The following TNKS variants were observed in gnomAD, a reference collection of about 807,000 sequenced individuals.
TNKS encodes poly [ADP-ribose] polymerase tankyrase-1.
A neutral mutation model predicts 135.8 loss-of-function variants in TNKS; 72 were observed. That is an observed-to-expected ratio of 0.53 (90% CI 0.44 to 0.64). The LOEUF (loss-of-function observed/expected upper bound fraction) is 0.64, where lower values mean the gene tolerates loss of function less well. Ranked by LOEUF, TNKS falls within the 30% of genes least tolerant of loss-of-function variation. The pLI, the probability that TNKS is intolerant of heterozygous loss-of-function variation, is 0.00. For missense variants in TNKS, 1,769 were observed against 1,674.0 expected (o/e 1.06, Z -0.99); for synonymous variants, 849 against 649.3 (o/e 1.31, Z -4.68).
rs757005800 is a variant in TNKS at position 9,677,146 on chromosome 8, T to G, written c.995-2805T>G. Among the ~76,000 whole-genome samples the G allele has an allele frequency of 2.4e-4, 37 of 152,328 alleles. No homozygotes were observed. The Middle Eastern group carries it at 0.01, about 42-fold the overall frequency. On this transcript the variant is annotated intron_variant, in intron 3 of 26. Transcript: ENST00000310430. ...TTTGAAAAATCGCTTCAGCTGTTTA[T>G]GGATTGTGGTCCTTGGGCACCAGAT...
chr8:9,576,326 C>T (rs1347090508), intron 1 of TNKS, among the ~76,000 whole-genome samples: 3 of 152,052 alleles, frequency 2.0e-5, no homozygotes, highest in Non-Finnish European at 4.4e-5. Context: ...TTAATTGACT[C>T]ATAGTTCTGC....
At chr8:9,596,783 TTGCCTGTTTATGACACAGGTTTGAG>T (rs1266451936) in intron 2 of TNKS, among the ~76,000 whole-genome samples, 3 of 152,246 alleles carry the variant, frequency 2.0e-5, no homozygotes, top group African/African-American at 7.2e-5. Context: ...ATCTTTTGTT[TTGCCTGTTTATGACACAGGTTTGAG>T]TGCTGGTCTT....
chr8:9,684,711 G>T (rs1490384441), intron 5 of TNKS, among the ~76,000 whole-genome samples: 2 of 152,006 alleles, frequency 1.3e-5, no homozygotes, highest in African/African-American at 4.8e-5. Context: ...AGTATTTCAG[G>T]TTTCCCTCTG....
At chr8:9,681,477 G>A (rs1429324942) in intron 5 of TNKS, among the ~76,000 whole-genome samples, 1 of 152,002 alleles carries the variant, frequency 6.6e-6, no homozygotes, top group Non-Finnish European at 1.5e-5. Flanking sequence ...TTTGGTAATT[G>A]CAGAGTTTTG....
intron 3 of TNKS, among the ~76,000 whole-genome samples, chr8:9,628,393 C>G (rs182858464): frequency 3.3e-5 from 5 of 152,174 alleles, no homozygotes; most frequent in African/African-American, 1.2e-4. Flanking sequence ...TTTTAAGAAA[C>G]TCTGTCTTGC....
At chr8:9,762,943 A>G (rs905283502) in intron 21 of TNKS, among the ~76,000 whole-genome samples, 6 of 151,878 alleles carry the variant, frequency 4.0e-5, no homozygotes, top group African/African-American at 1.5e-4. Flanking sequence ...TCAGTCCCCA[A>G]ACATCTTCAT....
chr8:9,564,771 G>T (rs1797460701), intron 1 of TNKS, among the ~76,000 whole-genome samples: 1 of 152,220 alleles, frequency 6.6e-6, no homozygotes, highest in Admixed American at 6.5e-5. Context: ...GATACTTATA[G>T]TAAGAATTGA....
intron 1 of TNKS, among the ~76,000 whole-genome samples, chr8:9,564,959 C>T (rs556993344): frequency 4.9e-4 from 74 of 151,882 alleles, no homozygotes; most frequent in Middle Eastern, 3.4e-3. Flanking sequence ...GGGTGGGTTT[C>T]CTAGGGATTT....
chr8:9,629,895 G>A (rs1230467993), intron 3 of TNKS, among the ~76,000 whole-genome samples: 2 of 152,122 alleles, frequency 1.3e-5, no homozygotes, highest in African/African-American at 4.8e-5. Context: ...TGTTAGCCAG[G>A]ATGGTCTCGA....
intron 3 of TNKS, among the ~76,000 whole-genome samples, chr8:9,630,841 T>C (rs987383212): frequency 3.3e-5 from 5 of 152,226 alleles, no homozygotes; most frequent in African/African-American, 1.2e-4. Flanking sequence ...TTGACATTTA[T>C]TGATTGCCTT....
rs925274247 is a variant in TNKS at position 9,556,891 on chromosome 8, A to T, written c.673+279A>T. On this transcript the variant is annotated intron_variant, in intron 1 of 26. Transcript: ENST00000310430. ...AGTCTCTGCATATGGATATATTTAC[A>T]CTTTAGTTTTTGGTGTGCAGGAATA... 1.3e-5 allele frequency: 7 copies of T among 539,596 alleles called. No individual in the cohort carries two copies. The East Asian group carries it at 2.0e-4, about 16-fold the overall frequency. 33.4% of individuals were successfully genotyped at this position (539,596 alleles called of 1,614,324 possible). A position where few individuals can be genotyped will look rare whatever the true frequency, so the allele number is the denominator to read the frequency against.
intron 3 of TNKS, among the ~76,000 whole-genome samples, chr8:9,621,113 T>G (rs1259545257): frequency 6.6e-6 from 1 of 152,232 alleles, no homozygotes; most frequent in African/African-American, 2.4e-5. Flanking sequence ...TTGCATATAG[T>G]CCTATACATT....
chr8:9,665,093 C>T (rs985158608), intron 3 of TNKS, among the ~76,000 whole-genome samples: 1 of 152,220 alleles, frequency 6.6e-6, no homozygotes, highest in Non-Finnish European at 1.5e-5. Context: ...CACCTACTAT[C>T]ACTTCAAGCT....
intron 26 of TNKS, among the ~76,000 whole-genome samples, chr8:9,772,807 GTT>G (rs1491456940): frequency 0.017 from 1,882 of 107,610 alleles, 18 homozygotes; most frequent in Admixed American, 0.023. Context: ...GTGTGTGTGT[GTT>G]TGTGTGTGTG....
At chr8:9,750,859 C>G (rs973669479) in intron 18 of TNKS, among the ~76,000 whole-genome samples, 4 of 152,234 alleles carry the variant, frequency 2.6e-5, no homozygotes, top group Non-Finnish European at 5.9e-5. Flanking sequence ...TCCAAGATGG[C>G]CTTTCATCCC....
At chr8:9,607,345 G>T (rs1369132188) in intron 2 of TNKS, among the ~76,000 whole-genome samples, 7 of 151,698 alleles carry the variant, frequency 4.6e-5, no homozygotes, top group Non-Finnish European at 8.8e-5. Context: ...GCTTTTTGGG[G>T]TTGAAATATC....
At chr8:9,745,944 C>T (rs914740691) in intron 17 of TNKS, among the ~76,000 whole-genome samples, 2 of 152,118 alleles carry the variant, frequency 1.3e-5, no homozygotes, top group African/African-American at 2.4e-5. Context: ...GCAGGGAAGA[C>T]GATATCTTAA....
At chr8:9,616,614 C>T (rs1425331706) in intron 3 of TNKS, among the ~76,000 whole-genome samples, 3 of 152,100 alleles carry the variant, frequency 2.0e-5, no homozygotes, top group East Asian at 1.9e-4. Context: ...GAAGGGAAAA[C>T]GTTTATGTAC....
At position 9,556,605 on chromosome 8, in the gene TNKS, C is replaced by T; in HGVS notation, c.666C>T (p.Phe222=). ...GCCGGAAGTCTTCTCCCCTGCACTT[C>T]GCTGCAGGTCAGAGACTTTTGAATT... ...MAGRKSSPLH[F]AAGFGRKDVV... is the part of the protein sequence containing the mutation. Residue 222 remains phenylalanine, a synonymous_variant, in exon 1 of 27, where the codon TTC becomes TTT. Coordinates refer to ENST00000310430, the MANE Select transcript of TNKS (RefSeq NM_003747.3). 1 of 1,613,450 alleles carries T rather than the reference C, an allele frequency of 6.2e-7. No homozygotes were observed. Among genetic ancestry groups the T allele is most frequent in the Non-Finnish European group, 8.5e-7 (1 of 1,180,030 alleles).
Sources: gnomAD v4.1 joint callset for allele counts (sites outside exome capture counted in the v4.1 genomes callset) on GRCh38, gnomAD v4.1.1 for gene constraint, MANE v1.5 for transcripts, NCBI Gene and HGNC (gene_info 2026-07-23, HGNC 2026-07-21) for gene names.